Variants in WNT7B observed in about 807,000 individuals in gnomAD.
WNT7B encodes the protein Wnt family member 7B.
WNT7B carries 19 observed loss-of-function variants against 38.2 expected under a neutral mutation model. The ratio of observed to expected loss-of-function variants is 0.50; its 90% CI spans 0.35 to 0.73. The LOEUF is 0.73. WNT7B is among the 30% of genes least tolerant of loss of function. WNT7B has a pLI of 0.01. For missense variants in WNT7B, 423 were observed against 507.9 expected, an observed-to-expected ratio of 0.83 and a Z score of 1.61; for synonymous variants, 243 against 209.3, an observed-to-expected ratio of 1.16 and a Z score of -1.39.
chr22:45,946,466 G>A (rs1213573307), intron 2 of WNT7B, among the ~76,000 whole-genome samples: 2 of 152,140 alleles, frequency 1.3e-5, no homozygotes, highest in Non-Finnish European at 2.9e-5. Flanking sequence ...TGATGCTCAC[G>A]CTGCCCCTTC....
intron 3 of WNT7B, chr22:45,927,557 G>A (rs1223558957): frequency 1.4e-6 from 2 of 1,409,052 alleles, no homozygotes; most frequent in African/African-American, 2.9e-5. Context: ...AGGTCACCCT[G>A]GGTTGTCCAA....
At chr22:45,968,825 T>C (rs1455738714) in intron 1 of WNT7B, among the ~76,000 whole-genome samples, 2 of 152,170 alleles carry the variant, frequency 1.3e-5, no homozygotes, top group South Asian at 4.1e-4. Context: ...GTTCTACACT[T>C]TCAAGTGCCA....
Position 45,966,944 on chromosome 22 carries a change from C to T in WNT7B, c.71+9740G>A, listed in dbSNP as rs201429406. ...CACTCCTGCATCTGCTTGTATGCCT[C>T]CGGGGCTGGAGAACTCACTGCCTCT... On this transcript the variant is annotated intron_variant, in intron 1 of 3. Coordinates refer to ENST00000339464, the MANE Select transcript of WNT7B (RefSeq NM_058238.3). The surrounding 1 kb of genome is among the most constrained non-coding windows in gnomAD (Gnocchi z 4.2). Among the ~76,000 whole-genome samples, 7 of 148,058 alleles carry T rather than the reference C, an allele frequency of 4.7e-5. No individual in the cohort carries two copies. The South Asian group carries it at 1.3e-3, about 28-fold the overall frequency.
chr22:45,935,100 G>A (rs1931481481), intron 2 of WNT7B, among the ~76,000 whole-genome samples: 1 of 152,166 alleles, frequency 6.6e-6, no homozygotes, highest in South Asian at 2.1e-4. Flanking sequence ...CTTCCCCCGT[G>A]TCCCTCCCCA....
rs532078623 is a variant in WNT7B, at chr22:45,965,356, T to G, written c.71+11328A>C. On this transcript the variant is annotated intron_variant, in intron 1 of 3. Coordinates refer to ENST00000339464, the MANE Select transcript of WNT7B (RefSeq NM_058238.3). The surrounding 1 kb of genome is among the most constrained non-coding windows in gnomAD (Gnocchi z 6.5). ...CGCTGGAAGGCAGGGCGGTAGGGAC[T>G]TTCCTTCCCAGTCACACCTGCACAC... Among the ~76,000 whole-genome samples the G allele has an allele frequency of 6.6e-6, 1 of 152,136 alleles. No individual in the cohort carries two copies. The highest frequency in any genetic ancestry group is 2.4e-5 in the African/African-American group (1 of 41,422).
intron 3 of WNT7B, chr22:45,926,673 C>T: frequency 1.0e-6 from 1 of 984,352 alleles, no homozygotes; most frequent in Non-Finnish European, 1.2e-6. Flanking sequence ...TCCACAGCAC[C>T]TCCCATGCTG....
At chr22:45,939,632 AACACACACACACACACTCAC>A (rs1931594476) in intron 2 of WNT7B, among the ~76,000 whole-genome samples, 1 of 144,784 alleles carries the variant, frequency 6.9e-6, no homozygotes, top group East Asian at 2.1e-4. Context: ...TGTCTCTACA[AACACACACACACACACTCAC>A]ACACACACAC....
At position 45,973,969 on chromosome 22, in the gene WNT7B, T is replaced by C. The variant is rs149176068; in HGVS notation, c.71+2715A>G. On this transcript the variant is annotated intron_variant, in intron 1 of 3. Coordinates refer to ENST00000339464, the MANE Select transcript of WNT7B (RefSeq NM_058238.3). ...CCCCATCCATGCATACAACCTCTGA[T>C]CTTTGGTCAGAACTTTATGACCCTG... is the stretch of plus-strand genomic sequence containing the variant. Among the ~76,000 whole-genome samples the C allele has an allele frequency of 1.9e-4, 29 of 152,150 alleles. No individual in the cohort carries two copies. The East Asian group carries it at 5.6e-3, about 29-fold the overall frequency.
At chr22:45,931,431 G>C in intron 2 of WNT7B, 62 bp from the exon 3 acceptor site, 2 of 1,495,674 alleles carry the variant, frequency 1.3e-6, no homozygotes, top group Admixed American at 2.1e-5. Flanking sequence ...GGGCTCAGGG[G>C]ACAGGGTGCC....
At chr22:45,960,363 C>G (rs1011596697) in intron 1 of WNT7B, among the ~76,000 whole-genome samples, 3 of 152,198 alleles carry the variant, frequency 2.0e-5, no homozygotes, top group Non-Finnish European at 4.4e-5. Context: ...ACCTCTCAGG[C>G]TGTCCTAAGG....
intron 1 of WNT7B, among the ~76,000 whole-genome samples, chr22:45,960,771 T>C (rs1295078148): frequency 6.6e-6 from 1 of 152,236 alleles, no homozygotes; most frequent in Non-Finnish European, 1.5e-5. Context: ...GGACAGCACC[T>C]GGCCTCCGTA....
intron 2 of WNT7B, among the ~76,000 whole-genome samples, chr22:45,933,970 G>A (rs1379776575): frequency 6.6e-6 from 1 of 152,216 alleles, no homozygotes; most frequent in East Asian, 1.9e-4. Flanking sequence ...CACAGGCGTG[G>A]ATTCCGGAAC....
rs10448596 is a variant in WNT7B, at chr22:45,951,724, G to A, written c.72-1578C>T. ...GTGGTCACAGGTCAGTGCTTCATGCGTTTGTAAGGCTGAGTGATATTCCAT... is the reference window on the plus strand; with the variant it reads ...GTGGTCACAGGTCAGTGCTTCATGCATTTGTAAGGCTGAGTGATATTCCAT... On this transcript the variant is annotated intron_variant, in intron 1 of 3. Transcript: ENST00000339464. The surrounding 1 kb of genome is among the most constrained non-coding windows in gnomAD (Gnocchi z 4.8). 0.51 allele frequency among the ~76,000 whole-genome samples: 78,092 copies of A among 152,028 alleles called. 21,639 individuals carry two copies. Among genetic ancestry groups the A allele is most frequent in the African/African-American group, 0.72 (29,867 of 41,464 alleles).
intron 1 of WNT7B, among the ~76,000 whole-genome samples, chr22:45,955,538 G>C (rs546742984): frequency 3.2e-4 from 48 of 152,308 alleles, no homozygotes; most frequent in African/African-American, 1.1e-3. Context: ...GCTTGCCTGG[G>C]TGCCCAGGGA....
intron 1 of WNT7B, among the ~76,000 whole-genome samples, chr22:45,953,123 C>T (rs1931973225): frequency 7.4e-6 from 1 of 135,522 alleles, no homozygotes; most frequent in Non-Finnish European, 1.6e-5. Flanking sequence ...TCACAGTCAC[C>T]GTGTCCGTGC....
In WNT7B at chr22:45,976,066, C is replaced by T. The variant is rs1311319491; in HGVS notation, c.71+618G>A. ...GGGCCGGGCCCAGGGCCCAGGGCCC[C>T]GGGCGGGCGGGGCACGGGCCCCGGA... is the stretch of plus-strand genomic sequence containing the variant. On this transcript the variant is annotated intron_variant, in intron 1 of 3. Coordinates refer to ENST00000339464, the MANE Select transcript of WNT7B (RefSeq NM_058238.3). The surrounding 1 kb of genome is among the most constrained non-coding windows in gnomAD (Gnocchi z 8.5). 1.4e-5 allele frequency: 2 copies of T among 144,586 alleles called. No homozygotes were observed. Among genetic ancestry groups the T allele is most frequent in the African/African-American group, 5.0e-5 (2 of 40,380 alleles). The allele number at this position is 144,586 out of a possible 1,614,324, so 9.0% of individuals were successfully genotyped here.
chr22:45,951,036 A>G lies in WNT7B; in HGVS notation c.72-890T>C, dbSNP rs1395334236. Among the ~76,000 whole-genome samples, 1 of 152,106 alleles carries G rather than the reference A, an allele frequency of 6.6e-6. No individual in the cohort carries two copies. The highest frequency in any genetic ancestry group is 1.9e-4 in the East Asian group (1 of 5,182). ...AGAACCCGCAGGTCACGCTCACTCT[A>G]CTTCAAGTGATATCAGCGGGATTGT... On this transcript the variant is annotated intron_variant, in intron 1 of 3. Transcript: ENST00000339464. The surrounding 1 kb of genome is among the most constrained non-coding windows in gnomAD (Gnocchi z 4.8).
intron 1 of WNT7B, among the ~76,000 whole-genome samples, chr22:45,962,199 G>A (rs1158288084): frequency 6.6e-6 from 1 of 152,192 alleles, no homozygotes; most frequent in East Asian, 1.9e-4. Flanking sequence ...GCCGCTGCAG[G>A]TGGATGAGCC....
At chr22:45,927,454 A>AC in intron 3 of WNT7B, 1 of 1,549,224 alleles carries the variant, frequency 6.5e-7, no homozygotes, top group Non-Finnish European at 8.7e-7. Context: ...CGGCATAGCA[A>AC]CCCCCCAAAT....
Sources: allele counts gnomAD v4.1 joint callset (sites outside exome capture counted in the v4.1 genomes callset), GRCh38; gene constraint gnomAD v4.1.1; non-coding constraint Gnocchi (gnomAD v3.1); transcripts MANE v1.5; gene names NCBI Gene and HGNC (gene_info 2026-07-23, HGNC 2026-07-21).